The following ZNF385D variants were observed in gnomAD, a reference collection of about 807,000 sequenced individuals.
ZNF385D encodes the protein zinc finger protein 659.
ZNF385D carries 15 observed loss-of-function variants against 35.8 expected under a neutral mutation model. The ratio of observed to expected loss-of-function variants is 0.42; its 90% CI spans 0.28 to 0.64. The LOEUF (loss-of-function observed/expected upper bound fraction) is 0.64, where lower values mean the gene tolerates loss of function less well. Among genes scored for constraint, ZNF385D ranks in the 30% least tolerant of loss-of-function variants. ZNF385D has a pLI of 0.23. For synonymous variants in ZNF385D, 212 were observed against 186.8 expected (o/e 1.13, Z -1.10); for missense variants, 474 against 494.6 (o/e 0.96, Z 0.39).
chr3:21,871,933 G>T (rs527312795), intron 3 of ZNF385D, among the ~76,000 whole-genome samples: 5 of 151,856 alleles, frequency 3.3e-5, no homozygotes, highest in Non-Finnish European at 5.9e-5. Context: ...GGAGGTGGAG[G>T]TTGCAGTGAG....
intron 3 of ZNF385D, among the ~76,000 whole-genome samples, chr3:21,972,881 A>T (rs1480268511): frequency 1.3e-5 from 2 of 152,006 alleles, no homozygotes; most frequent in Admixed American, 6.6e-5. Context: ...AGAAATCCAA[A>T]ACCTGAATCG....
chr3:22,091,112 T>C (rs192123996), intron 3 of ZNF385D, among the ~76,000 whole-genome samples: 19 of 152,236 alleles, frequency 1.2e-4, no homozygotes, highest in Admixed American at 9.2e-4. Flanking sequence ...TTCCTTGATA[T>C]AGGAAACTAA....
chr3:21,469,155 C>CTG (rs1553592697), intron 4 of ZNF385D, among the ~76,000 whole-genome samples: 6 of 152,274 alleles, frequency 3.9e-5, no homozygotes, highest in African/African-American at 1.4e-4. Flanking sequence ...CATTTGAAAT[C>CTG]TGCATTTTAT....
chr3:21,747,403 C>A (rs1055268285), intron 1 of ZNF385D, among the ~76,000 whole-genome samples: 10 of 152,314 alleles, frequency 6.6e-5, no homozygotes, highest in Admixed American at 5.2e-4. Context: ...TCTCTACCTG[C>A]TTGACTCAGA....
chr3:22,026,045 C>T (rs111604727), intron 3 of ZNF385D, among the ~76,000 whole-genome samples: 5 of 152,024 alleles, frequency 3.3e-5, no homozygotes, highest in Non-Finnish European at 5.9e-5. Context: ...TAGGCTGACT[C>T]GAGTAGAGCT....
intron 2 of ZNF385D, among the ~76,000 whole-genome samples, chr3:22,267,239 A>T (rs546339535): frequency 6.6e-6 from 1 of 152,100 alleles, no homozygotes; most frequent in Admixed American, 6.6e-5. Context: ...AGGTTTCAAA[A>T]GATAAATAAC....
At chr3:21,632,080 G>C (rs13071136) in intron 2 of ZNF385D, among the ~76,000 whole-genome samples, 21,651 of 152,038 alleles carry the variant, frequency 0.14, 1,604 homozygotes, top group Admixed American at 0.18. Flanking sequence ...CACTATTCTA[G>C]GCACTGTGAC....
chr3:21,532,286 C>T (rs1267011894), intron 3 of ZNF385D, among the ~76,000 whole-genome samples: 2 of 152,076 alleles, frequency 1.3e-5, no homozygotes, highest in Non-Finnish European at 2.9e-5. Flanking sequence ...ACCATCTTAC[C>T]TTTGGACTTC....
At chr3:21,653,652 T>C (rs1035931011) in intron 2 of ZNF385D, among the ~76,000 whole-genome samples, 2 of 152,176 alleles carry the variant, frequency 1.3e-5, no homozygotes, top group African/African-American at 4.8e-5. Context: ...AACAAGGCTC[T>C]TAAAACCAGA....
chr3:21,573,566 A>G (rs931021317), intron 2 of ZNF385D, among the ~76,000 whole-genome samples: 28 of 152,228 alleles, frequency 1.8e-4, no homozygotes, highest in African/African-American at 6.5e-4. Flanking sequence ...TTTTGTTTCT[A>G]TCAACAAATG....
chr3:21,492,910 G>A (rs909846490), intron 4 of ZNF385D, among the ~76,000 whole-genome samples: 3 of 151,822 alleles, frequency 2.0e-5, no homozygotes, highest in African/African-American at 7.3e-5. Context: ...TGAATAAAGG[G>A]AATAATAGTG....
At chr3:21,508,937 C>A (rs976522540) in intron 4 of ZNF385D, among the ~76,000 whole-genome samples, 2 of 149,648 alleles carry the variant, frequency 1.3e-5, no homozygotes, top group Admixed American at 6.7e-5. Context: ...AGTCACAACC[C>A]ATTTACTTAA....
intron 3 of ZNF385D, among the ~76,000 whole-genome samples, chr3:21,981,775 G>A (rs1694466745): frequency 6.6e-6 from 1 of 152,048 alleles, no homozygotes; most frequent in South Asian, 2.1e-4. Flanking sequence ...TCAATCTTCT[G>A]CTTATGGCTA....
At chr3:22,032,905 G>C (rs1698087007) in intron 3 of ZNF385D, among the ~76,000 whole-genome samples, 1 of 152,134 alleles carries the variant, frequency 6.6e-6, no homozygotes, top group Admixed American at 6.5e-5. Flanking sequence ...CTGAGGCACA[G>C]AGAGGTAAAG....
intron 3 of ZNF385D, among the ~76,000 whole-genome samples, chr3:21,835,058 C>T (rs1387171028): frequency 6.6e-6 from 1 of 151,950 alleles, no homozygotes; most frequent in African/African-American, 2.4e-5. Flanking sequence ...CAGCTCTAGC[C>T]CTAAATAAAC....
At position 21,764,560 on chromosome 3, in the gene ZNF385D, G is replaced by T. The variant is rs539768316; in HGVS notation, c.326-99532C>A. Among the ~76,000 whole-genome samples the T allele has an allele frequency of 4.1e-4, 62 of 152,292 alleles. 2 individuals are homozygous for T. In the South Asian group the frequency reaches 8.9e-3, roughly 22 times the overall value. ...CCAATGAAACATAGCAAGCAAGAAC[G>T]AAAAAGATATTTTGCATGGCTGGGC... On this transcript the variant is annotated intron_variant, in intron 3 of 5. Transcript: ENST00000494108.
At chr3:21,858,157 CA>C (rs34471727) in intron 3 of ZNF385D, among the ~76,000 whole-genome samples, 4,285 of 119,502 alleles carry the variant, frequency 0.036, 181 homozygotes, top group African/African-American at 0.12. Flanking sequence ...AAGAGTCTAT[CA>C]AAAAAAAAAA....
intron 4 of ZNF385D, among the ~76,000 whole-genome samples, chr3:21,509,023 G>A (rs959427488): frequency 1.3e-5 from 2 of 149,750 alleles, no homozygotes; most frequent in Admixed American, 1.3e-4. Context: ...TATCGCCCAG[G>A]CTGGAGTGCA....
intron 2 of ZNF385D, among the ~76,000 whole-genome samples, chr3:22,194,672 C>G (rs974503103): frequency 7.2e-5 from 11 of 151,836 alleles, no homozygotes; most frequent in Non-Finnish European, 1.6e-4. Flanking sequence ...TAGGCATACC[C>G]TTTTTACACC....
Sources: gnomAD v4.1 joint callset for allele counts (sites outside exome capture counted in the v4.1 genomes callset) on GRCh38, gnomAD v4.1.1 for gene constraint, MANE v1.5 for transcripts, NCBI Gene and HGNC (gene_info 2026-07-23, HGNC 2026-07-21) for gene names.